CENPH: variants seen among roughly 807,000 people sequenced by gnomAD.
CENPH encodes the protein centromere protein H.
Under a neutral mutation model 42.9 loss-of-function variants are expected in CENPH, and 40 were observed. That is an observed-to-expected ratio of 0.93 (90% confidence interval 0.72 to 1.21). CENPH has a LOEUF of 1.21. CENPH is among the 50% of genes most tolerant of loss of function. The pLI, the probability that CENPH is intolerant of heterozygous loss-of-function variation, is 0.00. For missense variants in CENPH, 302 were observed against 292.9 expected (o/e 1.03, Z -0.23); for synonymous variants, 88 against 96.5 (o/e 0.91, Z 0.52).
intron 7 of CENPH, among the ~76,000 whole-genome samples, chr5:69,206,005 G>T (rs141653824): frequency 6.6e-6 from 1 of 150,996 alleles, no homozygotes; most frequent in Non-Finnish European, 1.5e-5. Flanking sequence ...CACCATGCCC[G>T]GCCTTTTTTT....
chr5:69,202,539 G>A lies in CENPH; in HGVS notation c.405G>A (p.Glu135=), dbSNP rs1748075655. 1 of 1,570,704 alleles carries A rather than the reference G, an allele frequency of 6.4e-7. No homozygotes were observed. Among genetic ancestry groups the A allele is most frequent in the Non-Finnish European group, 8.7e-7 (1 of 1,146,494 alleles). ...TGGATAACATGAAACACCTATTAGA[G>A]CTAAATAAATTAATAATGAAATCAC... ...VLMDNMKHLL[E]LNKLIMKSQQ... The change falls in exon 6 of 9, where the codon GAG becomes GAA. Residue 135 remains glutamate (E), a synonymous_variant. Coordinates refer to ENST00000283006, the MANE Select transcript of CENPH (RefSeq NM_022909.4).
chr5:69,196,111 T>C (rs996388142), intron 4 of CENPH, among the ~76,000 whole-genome samples: 11 of 152,032 alleles, frequency 7.2e-5, no homozygotes, highest in Admixed American at 3.9e-4. Context: ...GCTAATTTTT[T>C]TTATTTTTTA....
intron 5 of CENPH, among the ~76,000 whole-genome samples, chr5:69,199,939 C>G (rs945608482): frequency 5.9e-5 from 9 of 151,878 alleles, no homozygotes; most frequent in African/African-American, 1.9e-4. Context: ...ATGGTAAAAC[C>G]CTATCTCTAC....
intron 3 of CENPH, 90 bp downstream of exon 3, chr5:69,194,785 C>T: frequency 2.5e-6 from 2 of 814,442 alleles, no homozygotes; most frequent in South Asian, 1.8e-5. Context: ...GTCTCACTAT[C>T]ATGCAGGCTA....
At chr5:69,197,171 G>T in intron 5 of CENPH, 62 bp downstream of exon 5, 1 of 1,092,704 alleles carries the variant, frequency 9.2e-7, no homozygotes, top group East Asian at 2.7e-5. Flanking sequence ...CTTTAGTTTT[G>T]TGAATTTTAA....
At chr5:69,204,665 C>G (rs191572) in intron 7 of CENPH, among the ~76,000 whole-genome samples, 139,056 of 139,060 alleles carry the variant, frequency 1, 69,526 homozygotes, top group Non-Finnish European at 1. Flanking sequence ...GAGTGCAGTG[C>G]TGCAATCTCG....
At chr5:69,189,880 C>T (rs1299227947) in intron 1 of CENPH, 112 bp downstream of exon 1, 5 of 1,183,284 alleles carry the variant, frequency 4.2e-6, no homozygotes, top group South Asian at 1.7e-5. Context: ...GTCAGGTCTC[C>T]GTGATTGCCT....
chr5:69,197,033 A>G lies in CENPH; in HGVS notation c.315-20A>G. ...AAATGTTATCCATGTTTTATAATGC[A>G]AGCTTTTTCCCTCTCATAGGATGAG... On this transcript the variant is annotated intron_variant, in intron 4 of 8. Coordinates refer to ENST00000283006, the MANE Select transcript of CENPH (RefSeq NM_022909.4). 6.6e-7 allele frequency: 1 copy of G among 1,520,362 alleles called. No individual in the cohort carries two copies. The highest frequency in any genetic ancestry group is 8.8e-7 in the Non-Finnish European group (1 of 1,134,046). The allele number at this position is 1,520,362 out of a possible 1,614,324, so 94.2% of individuals were successfully genotyped here.
At chr5:69,195,876 G>A (rs2112084464) in intron 4 of CENPH, 85 bp downstream of exon 4, 4 of 675,670 alleles carry the variant, frequency 5.9e-6, no homozygotes, top group Non-Finnish European at 1.0e-5. Flanking sequence ...TTTTAACTGG[G>A]CTGAGTGAAT....
Position 69,208,343 on chromosome 5 carries a change from T to A in CENPH, c.635T>A (p.Ile212Asn). The change falls in exon 8 of 9, where the codon ATT (isoleucine) becomes AAT (asparagine). Residue 212 changes from isoleucine (I) to asparagine (N), a missense_variant. Transcript: ENST00000283006. ...ATGGAGATAAAAATTACTACTGTTA[T>A]TCAACATGTGTTCCAGGTAACATTT... ...LQMEIKITTV[I>N]QHVFQNLILG... is the part of the protein sequence containing the mutation. 1 of 1,592,692 alleles carries A rather than the reference T, an allele frequency of 6.3e-7. No homozygotes were observed. Among genetic ancestry groups the A allele is most frequent in the South Asian group, 1.1e-5 (1 of 88,726 alleles).
chr5:69,190,673 A>G (rs1343473884), intron 1 of CENPH, among the ~76,000 whole-genome samples: 2 of 152,184 alleles, frequency 1.3e-5, no homozygotes, highest in African/African-American at 2.4e-5. Flanking sequence ...TTAAGTCAGG[A>G]GTTCAAGACC....
intron 8 of CENPH, among the ~76,000 whole-genome samples, chr5:69,208,814 T>TTCTTTTG (rs1240314338): frequency 3.4e-4 from 52 of 151,776 alleles, no homozygotes; most frequent in South Asian, 1.0e-3. Context: ...TTTTTCTTTT[T>TTCTTTTG]TCAGACGCAG....
rs1215253092 is a variant in CENPH at position 69,197,882 on chromosome 5, G to C, written c.371+773G>C. ...TAGCAGGTCAGGTCCTCTGTATCCT[G>C]GTGTCTGGCCTCAGAGGTCTTACCT... is the stretch of plus-strand genomic sequence containing the variant. On this transcript the variant is annotated intron_variant, in intron 5 of 8. Coordinates refer to ENST00000283006, the MANE Select transcript of CENPH (RefSeq NM_022909.4). 6.2e-5 allele frequency among the ~76,000 whole-genome samples: 9 copies of C among 144,884 alleles called. No individual in the cohort carries two copies. In the East Asian group the frequency reaches 1.8e-3, roughly 29 times the overall value.
chr5:69,190,004 A>G (rs1747840214), intron 1 of CENPH, among the ~76,000 whole-genome samples: 1 of 152,236 alleles, frequency 6.6e-6, no homozygotes, highest in African/African-American at 2.4e-5. Context: ...TGTTGAGCAC[A>G]GTGCCCCGGG....
chr5:69,189,708 C>T lies in CENPH; in HGVS notation c.74C>T (p.Pro25Leu). ...GGAGGGGAAGGCCGGGCAGGCGGGC[C>T]ACCGCAGGTCGCCGGCGCCCAGGCG... ...DSGGEGRAGG[P>L]PQVAGAQAAC... Residue 25 changes from proline to leucine, a missense_variant, in exon 1 of 9, where the codon CCA becomes CTA. By Grantham distance (98) the Pro-to-Leu change is moderately conservative. Transcript: ENST00000283006. The T allele has an allele frequency of 3.2e-6, 5 of 1,569,980 alleles. No individual in the cohort carries two copies. The highest frequency in any genetic ancestry group is 3.4e-6 in the Non-Finnish European group (4 of 1,160,972).
intron 8 of CENPH, among the ~76,000 whole-genome samples, chr5:69,209,140 C>T (rs676012): frequency 0.66 from 100,651 of 152,150 alleles, 34,985 homozygotes; most frequent in African/African-American, 0.89. Context: ...TGGAAACTGA[C>T]GAGGCATAAA....
In CENPH at chr5:69,197,087, G is replaced by A. The variant is rs1747976415; in HGVS notation, c.349G>A (p.Glu117Lys). 1.3e-6 allele frequency: 2 copies of A among 1,580,538 alleles called. No individual in the cohort carries two copies. Among genetic ancestry groups the A allele is most frequent in the Admixed American group, 2.0e-5 (1 of 50,942 alleles). The change falls in exon 5 of 9, where the codon GAG (glutamate) becomes AAG (lysine). Residue 117 changes from glutamate (E) to lysine (K), a missense_variant. Transcript: ENST00000283006. ...TTCAACTGCACTTAAAAAAAACCTG[G>A]AGAAAATTAGCAGACAGTCTAGGTA... ...RLSTALKKNL[E>K]KISRQSSVLM...
chr5:69,197,298 G>T, intron 5 of CENPH, 189 bp downstream of exon 5: 2 of 412,480 alleles, frequency 4.8e-6, no homozygotes, highest in Admixed American at 4.2e-5. Context: ...TGTTCCGTAT[G>T]GATTGTAACT....
At chr5:69,208,399 G>T in intron 8 of CENPH, 40 bp downstream of exon 8, 1 of 1,391,572 alleles carries the variant, frequency 7.2e-7, no homozygotes, top group Middle Eastern at 2.3e-4. Flanking sequence ...TAATCTTGTT[G>T]CCCAGGCTGG....
Sources: allele counts gnomAD v4.1 joint callset (sites outside exome capture counted in the v4.1 genomes callset), GRCh38; gene constraint gnomAD v4.1.1; transcripts MANE v1.5; gene names NCBI Gene and HGNC (gene_info 2026-07-23, HGNC 2026-07-21).